The following MGST1 variants were observed in gnomAD, a reference collection of about 807,000 sequenced individuals.
MGST1 encodes glutathione S-transferase 12.
Under a neutral mutation model 8.9 loss-of-function variants are expected in MGST1, and 5 were observed. That is an observed-to-expected ratio of 0.56 (90% CI 0.29 to 1.19). MGST1 has a LOEUF of 1.19. Among genes scored for constraint, MGST1 ranks in the 50% most tolerant of loss-of-function variants. The pLI, the probability that MGST1 is intolerant of heterozygous loss-of-function variation, is 0.08. For synonymous variants in MGST1, 54 were observed against 67.8 expected (o/e 0.80, Z 1.00); for missense variants, 182 against 187.4 (o/e 0.97, Z 0.17).
At chr12:16,422,722 TG>T (rs1209752448) in intron 1 of MGST1, among the ~76,000 whole-genome samples, 2 of 152,212 alleles carry the variant, frequency 1.3e-5, no homozygotes, top group Non-Finnish European at 2.9e-5. Flanking sequence ...GATTTCCTAC[TG>T]GATACAAGAT....
chr12:16,514,054 C>A, intron 4 of MGST1: 1 of 388,604 alleles, frequency 2.6e-6, no homozygotes, highest in South Asian at 2.5e-5. Flanking sequence ...TGGTCCCAAG[C>A]AGCAGAAGGA....
At chr12:16,460,540 A>G (rs1941210274) in intron 4 of MGST1, among the ~76,000 whole-genome samples, 3 of 149,976 alleles carry the variant, frequency 2.0e-5, no homozygotes, top group Admixed American at 1.3e-4. Flanking sequence ...CTCTGAGTAC[A>G]TTCCCACTCG....
At chr12:16,442,351 A>G (rs553836021), downstream of MGST1, among the ~76,000 whole-genome samples, 1 of 151,940 alleles carries the variant, frequency 6.6e-6, no homozygotes, top group Admixed American at 6.6e-5. The surrounding 1 kb of genome is among the most constrained non-coding windows in gnomAD (Gnocchi z 4.5). Context: ...TCTTTCATGA[A>G]TCGTGCCTTT....
downstream of MGST1, among the ~76,000 whole-genome samples, chr12:16,379,274 C>T (rs12313517): frequency 0.09 from 13,681 of 152,054 alleles, 1,022 homozygotes; most frequent in East Asian, 0.3. Flanking sequence ...GTATGATATT[C>T]GCTGTGGGTT....
At position 16,401,239 on chromosome 12, in the gene MGST1, T is replaced by C; in HGVS notation, n.778+17635T>C. 6.4e-7 allele frequency: 1 copy of C among 1,568,664 alleles called. No individual in the cohort carries two copies. Among genetic ancestry groups the C allele is most frequent in the South Asian group, 1.1e-5 (1 of 90,134 alleles). Reference sequence around the variant, plus strand: ...AAGGAACAGGGCATAGGTTTTCTCTTCTGGCTTTTTCCCCTCCTTGTTAGT... The same window carrying C: ...AAGGAACAGGGCATAGGTTTTCTCTCCTGGCTTTTTCCCCTCCTTGTTAGT... On this transcript the variant is annotated intron_variant and non_coding_transcript_variant, in intron 1 of 1. Coordinates refer to the MGST1 transcript ENST00000359720. The surrounding 1 kb of genome is among the most constrained non-coding windows in gnomAD (Gnocchi z 4.3).
intron 4 of MGST1, among the ~76,000 whole-genome samples, chr12:16,521,232 A>G (rs1275478723): frequency 6.6e-6 from 1 of 152,158 alleles, no homozygotes; most frequent in African/African-American, 2.4e-5. Context: ...GAGGAAAATC[A>G]GTAGACTATC....
intron 3 of MGST1, among the ~76,000 whole-genome samples, chr12:16,373,774 T>A (rs1940335946): frequency 6.6e-6 from 1 of 152,130 alleles, no homozygotes; most frequent in African/African-American, 2.4e-5. Flanking sequence ...TGCCCCAAAT[T>A]ATCCATTTTT....
chr12:16,423,406 T>C (rs1388812579), intron 1 of MGST1, among the ~76,000 whole-genome samples: 2 of 152,192 alleles, frequency 1.3e-5, no homozygotes, highest in Admixed American at 6.5e-5. Context: ...AATTCTCTGA[T>C]ATTTTGTTGT....
chr12:16,382,159 C>A (rs530168601), downstream of MGST1, among the ~76,000 whole-genome samples: 1 of 152,166 alleles, frequency 6.6e-6, no homozygotes, highest in African/African-American at 2.4e-5. Flanking sequence ...TTCTCTGTCC[C>A]GCTTTGTTCC....
intron 4 of MGST1, among the ~76,000 whole-genome samples, chr12:16,523,590 G>C (rs540691647): frequency 1.3e-5 from 2 of 152,046 alleles, no homozygotes; most frequent in Admixed American, 6.6e-5. Context: ...ATGCTTCACT[G>C]TATGTTACAA....
intron 4 of MGST1, among the ~76,000 whole-genome samples, chr12:16,564,307 AAGAACT>A (rs1172291562): frequency 1.3e-5 from 2 of 152,230 alleles, no homozygotes; most frequent in African/African-American, 4.8e-5. Flanking sequence ...GTGGCATTGC[AAGAACT>A]AAGACAAAAC....
chr12:16,559,733 T>C lies in MGST1; in HGVS notation n.483-29795T>C, dbSNP rs949600617. 5.9e-5 allele frequency among the ~76,000 whole-genome samples: 9 copies of C among 151,832 alleles called. No homozygotes were observed. Among genetic ancestry groups the C allele is most frequent in the Non-Finnish European group, 1.2e-4 (8 of 67,964 alleles). Reference sequence around the variant, plus strand: ...TGGGAGGTGGAGGTGGGAGGATTGCTTGAGGCCAGGAGTTTGAGACCAGCC... The same window carrying C: ...TGGGAGGTGGAGGTGGGAGGATTGCCTGAGGCCAGGAGTTTGAGACCAGCC... On this transcript the variant is annotated intron_variant and non_coding_transcript_variant, in intron 4 of 4. Coordinates refer to the MGST1 transcript ENST00000538857. This position sits in a 1 kb window ranked among gnomAD's most constrained non-coding sequence, Gnocchi z 4.1.
intron 3 of MGST1, among the ~76,000 whole-genome samples, chr12:16,375,580 C>A (rs1346475079): frequency 6.6e-6 from 1 of 151,864 alleles, no homozygotes; most frequent in African/African-American, 2.4e-5. Context: ...TATTCTGAGA[C>A]TGCAATCTGC....
chr12:16,522,426 C>T (rs532222878), intron 4 of MGST1, among the ~76,000 whole-genome samples: 71 of 152,160 alleles, frequency 4.7e-4, no homozygotes, highest in Non-Finnish European at 8.8e-4. Flanking sequence ...TTTTTTGACA[C>T]AGGGTTACTG....
In MGST1 at chr12:16,423,612, C is replaced by T. The variant is rs182677105; in HGVS notation, n.779-13776C>T. 1.8e-3 allele frequency among the ~76,000 whole-genome samples: 273 copies of T among 152,320 alleles called. 1 individual carries two copies. The highest frequency in any genetic ancestry group is 2.3e-3 in the South Asian group (11 of 4,820). On this transcript the variant is annotated intron_variant and non_coding_transcript_variant, in intron 1 of 1. Coordinates refer to the MGST1 transcript ENST00000359720. ...TATCCTCTAGAATTATTTTACCCAGCATCTGCTCTTTTATAGCACTTTGTC... is the reference window on the plus strand; with the variant it reads ...TATCCTCTAGAATTATTTTACCCAGTATCTGCTCTTTTATAGCACTTTGTC...
chr12:16,568,776 A>G lies in MGST1; in HGVS notation n.483-20752A>G, dbSNP rs138816718. Among the ~76,000 whole-genome samples, 824 of 152,274 alleles carry G rather than the reference A, an allele frequency of 5.4e-3. 8 individuals carry two copies. The highest frequency in any genetic ancestry group is 0.019 in the African/African-American group (800 of 41,552). The stretch of plus-strand genomic sequence containing the variant: ...AATATGTGGATTACATTCTATTTCT[A>G]TTGGACAGTGCTGGTCTATAGCTTC... On this transcript the variant is annotated intron_variant and non_coding_transcript_variant, in intron 4 of 4. Coordinates refer to the MGST1 transcript ENST00000538857.
chr12:16,495,736 C>A (rs1206178475), intron 4 of MGST1, among the ~76,000 whole-genome samples: 1 of 150,956 alleles, frequency 6.6e-6, no homozygotes, highest in African/African-American at 2.4e-5. Flanking sequence ...ACTATATGAT[C>A]TGCCTTTGTG....
In MGST1 at chr12:16,576,080, G is replaced by A. The variant is rs888126946; in HGVS notation, n.483-13448G>A. Among the ~76,000 whole-genome samples, 1 of 152,128 alleles carries A rather than the reference G, an allele frequency of 6.6e-6. No individual in the cohort carries two copies. The highest frequency in any genetic ancestry group is 6.5e-5 in the Admixed American group (1 of 15,280). On this transcript the variant is annotated intron_variant and non_coding_transcript_variant, in intron 4 of 4. Coordinates refer to the MGST1 transcript ENST00000538857. The surrounding 1 kb of genome is among the most constrained non-coding windows in gnomAD (Gnocchi z 4.1). ...TGTCTCAGTAAGCTACTTCTAGCGC[G>A]CATCGCTTCTCCCTTGCACTCATAC...
In MGST1 at chr12:16,390,419, T is replaced by C. The variant is rs148907751; in HGVS notation, n.778+6815T>C. On this transcript the variant is annotated intron_variant and non_coding_transcript_variant, in intron 1 of 1. Transcript: ENST00000359720. ...AGGCACTAAGCCTAGTATCCAATAGTTATTCTTTTCTGCTCCTCTCCCTCC... is the reference window on the plus strand; with the variant it reads ...AGGCACTAAGCCTAGTATCCAATAGCTATTCTTTTCTGCTCCTCTCCCTCC... 2.2e-3 allele frequency among the ~76,000 whole-genome samples: 330 copies of C among 152,296 alleles called. 2 individuals are homozygous for C. Among genetic ancestry groups the C allele is most frequent in the African/African-American group, 7.2e-3 (299 of 41,562 alleles).
Sources: allele counts gnomAD v4.1 joint callset (sites outside exome capture counted in the v4.1 genomes callset), GRCh38; gene constraint gnomAD v4.1.1; non-coding constraint Gnocchi (gnomAD v3.1); transcripts MANE v1.5; gene names NCBI Gene and HGNC (gene_info 2026-07-23, HGNC 2026-07-21).